AK9: variants seen among roughly 807,000 people sequenced by gnomAD.
AK9 encodes the protein adenylate kinase 9, also known as adenylate kinase domain containing 1.
A neutral mutation model predicts 239.6 loss-of-function variants in AK9; 191 were observed. That is an observed-to-expected ratio of 0.80 (90% CI 0.71 to 0.90). The LOEUF is 0.90. Ranked by LOEUF, AK9 falls within the 40% of genes least tolerant of loss-of-function variation. The pLI, the probability that AK9 is intolerant of heterozygous loss-of-function variation, is 0.00. For synonymous variants in AK9, 689 were observed against 721.0 expected (o/e 0.96, Z 0.71); for missense variants, 1,995 against 2,214.7 (o/e 0.90, Z 1.99).
chr6:109,555,554 C>T (rs1784904772), intron 24 of AK9, among the ~76,000 whole-genome samples: 1 of 152,158 alleles, frequency 6.6e-6, no homozygotes, highest in South Asian at 2.1e-4. Flanking sequence ...GAGTTCAAGT[C>T]CTGAATATCC....
At chr6:109,560,881 G>A (rs1421134342) in intron 24 of AK9, among the ~76,000 whole-genome samples, 1 of 152,098 alleles carries the variant, frequency 6.6e-6, no homozygotes, top group Non-Finnish European at 1.5e-5. Context: ...AATTCATCAG[G>A]GAAGCCACCT....
Position 109,684,873 on chromosome 6 carries a change from C to CAAAAAA in AK9, c.-12+6268_-12+6273dup, listed in dbSNP as rs60500211. ...TGGGCGACAGAGTGAGACTCCGTCT[C>CAAAAAA]AAAAAAAAAAAAAAAAAAAAAAAAA... On this transcript the variant is annotated intron_variant, in intron 1 of 40. Transcript: ENST00000424296. 6.4e-4 allele frequency among the ~76,000 whole-genome samples: 14 copies of CAAAAAA among 21,870 alleles called. 1 individual carries two copies. The highest frequency in any genetic ancestry group is 1.6e-3 in the East Asian group (1 of 638). 14.3% of individuals were successfully genotyped at this position (21,870 alleles called of 152,430 possible). A position where few individuals can be genotyped will look rare whatever the true frequency, so the allele number is the denominator to read the frequency against.
chr6:109,648,825 C>T (rs1283389007), intron 8 of AK9, among the ~76,000 whole-genome samples: 18 of 152,196 alleles, frequency 1.2e-4, no homozygotes, highest in East Asian at 7.7e-4. Flanking sequence ...TGATGAACAT[C>T]GATGCAAAAA....
chr6:109,656,737 C>A lies in AK9; in HGVS notation c.759+19G>T, dbSNP rs1799745718. 1 of 1,555,904 alleles carries A rather than the reference C, an allele frequency of 6.4e-7. No individual in the cohort carries two copies. Among genetic ancestry groups the A allele is most frequent in the African/African-American group, 1.4e-5 (1 of 72,578 alleles). On this transcript the variant is annotated intron_variant, in intron 8 of 40. Transcript: ENST00000424296. ...CACAAATATCAATATTCATTTTCAG[C>A]AATATATTTTGTTCTTACTTCTAAA...
chr6:109,599,542 T>C (rs531028706), intron 17 of AK9, among the ~76,000 whole-genome samples: 1 of 152,286 alleles, frequency 6.6e-6, no homozygotes, highest in African/African-American at 2.4e-5. Flanking sequence ...GGCTTAGGAT[T>C]GACTTGGCAA....
intron 29 of AK9, among the ~76,000 whole-genome samples, chr6:109,520,147 T>A (rs1336738287): frequency 1.3e-5 from 2 of 152,170 alleles, no homozygotes; most frequent in East Asian, 3.9e-4. Context: ...AATTTTTGTT[T>A]TTGGTACAAT....
intron 32 of AK9, among the ~76,000 whole-genome samples, chr6:109,511,060 GTTT>G (rs200285676): frequency 3.2e-5 from 4 of 123,162 alleles, no homozygotes; most frequent in East Asian, 2.3e-4. Context: ...AAATCTGCTT[GTTT>G]TTTTTTTTTT....
At chr6:109,671,831 G>C (rs1033301587) in intron 5 of AK9, 88 bp downstream of exon 5, 1 of 1,147,670 alleles carries the variant, frequency 8.7e-7, no homozygotes, top group Admixed American at 2.2e-5. Context: ...GCAAAAGAAA[G>C]GGCAACTCCA....
At chr6:109,652,715 G>A (rs149510842) in intron 8 of AK9, among the ~76,000 whole-genome samples, 15 of 152,194 alleles carry the variant, frequency 9.9e-5, no homozygotes, top group African/African-American at 2.9e-4. Context: ...TGTACTAACT[G>A]CAACCAGTGA....
At chr6:109,544,852 C>A (rs17609484) in intron 26 of AK9, among the ~76,000 whole-genome samples, 1,705 of 152,160 alleles carry the variant, frequency 0.011, 23 homozygotes, top group Non-Finnish European at 0.017. Flanking sequence ...TGATAGAAAT[C>A]AGAGAACACA....
At chr6:109,596,803 T>C (rs1791096038) in intron 17 of AK9, among the ~76,000 whole-genome samples, 1 of 152,220 alleles carries the variant, frequency 6.6e-6, no homozygotes, top group Non-Finnish European at 1.5e-5. Context: ...GCGATAAATA[T>C]ATGAGTGCAG....
At chr6:109,511,071 T>C (rs1042630266) in intron 32 of AK9, among the ~76,000 whole-genome samples, 17 of 152,116 alleles carry the variant, frequency 1.1e-4, no homozygotes, top group African/African-American at 2.2e-4. Context: ...TTTTTTTTTT[T>C]TTTTTTTCCT....
intron 8 of AK9, among the ~76,000 whole-genome samples, chr6:109,654,023 T>C (rs1240046015): frequency 1.3e-5 from 2 of 152,186 alleles, no homozygotes; most frequent in African/African-American, 4.8e-5. Flanking sequence ...CCATCCTTCC[T>C]CAAGGACTCA....
At chr6:109,498,542 C>A (rs950165963) in intron 36 of AK9, among the ~76,000 whole-genome samples, 1 of 152,208 alleles carries the variant, frequency 6.6e-6, no homozygotes, top group Non-Finnish European at 1.5e-5. Flanking sequence ...CTTTTAAAAT[C>A]ATCAAATTTT....
At chr6:109,502,469 A>G (rs552998590) in intron 35 of AK9, among the ~76,000 whole-genome samples, 1 of 152,264 alleles carries the variant, frequency 6.6e-6, no homozygotes, top group African/African-American at 2.4e-5. Context: ...GCAACACTGG[A>G]AAAACAGAAA....
intron 17 of AK9, among the ~76,000 whole-genome samples, chr6:109,604,808 T>A (rs548366830): frequency 6.6e-6 from 1 of 152,350 alleles, no homozygotes; most frequent in South Asian, 2.1e-4. Flanking sequence ...GATTTTATCT[T>A]TACATTTAAG....
At chr6:109,547,846 C>CAAAAA (rs55899214) in intron 25 of AK9, among the ~76,000 whole-genome samples, 16 of 121,844 alleles carry the variant, frequency 1.3e-4, no homozygotes, top group African/African-American at 5.4e-4. Flanking sequence ...AGCTCAGTAG[C>CAAAAA]AAAAAAAAAA....
At chr6:109,620,167 A>G (rs1469407144) in intron 12 of AK9, among the ~76,000 whole-genome samples, 1 of 152,142 alleles carries the variant, frequency 6.6e-6, no homozygotes, top group Non-Finnish European at 1.5e-5. Flanking sequence ...CTCTTGGGTA[A>G]ATACCTAGGA....
chr6:109,681,129 C>T (rs1048809798), intron 1 of AK9, among the ~76,000 whole-genome samples: 9 of 152,120 alleles, frequency 5.9e-5, no homozygotes, highest in African/African-American at 2.2e-4. Context: ...GCTAAATGCC[C>T]TGATTAAAAG....
Sources: allele counts gnomAD v4.1 joint callset (sites outside exome capture counted in the v4.1 genomes callset), GRCh38; gene constraint gnomAD v4.1.1; transcripts MANE v1.5; gene names NCBI Gene and HGNC (gene_info 2026-07-23, HGNC 2026-07-21).